Variants in TMEM132D observed in about 807,000 individuals in gnomAD.
TMEM132D encodes mature OL transmembrane protein.
TMEM132D carries 21 observed loss-of-function variants against 62.3 expected under a neutral mutation model. The observed-to-expected ratio is 0.34, with a 90% CI of 0.24 to 0.49. TMEM132D has a LOEUF of 0.49. TMEM132D is among the 20% of genes least tolerant of loss of function. The pLI is 0.99. For synonymous variants in TMEM132D, 621 were observed against 575.6 expected (o/e 1.08, Z -1.13); for missense variants, 1,346 against 1,402.8 (o/e 0.96, Z 0.65).
chr12:129,800,884 G>T (rs957780338), intron 1 of TMEM132D, among the ~76,000 whole-genome samples: 1 of 152,176 alleles, frequency 6.6e-6, no homozygotes, highest in African/African-American at 2.4e-5. Flanking sequence ...GAAGCAGGGC[G>T]AGGCATTGCC....
chr12:129,517,651 A>T (rs773582582), intron 3 of TMEM132D, among the ~76,000 whole-genome samples: 2 of 152,184 alleles, frequency 1.3e-5, no homozygotes, highest in Non-Finnish European at 2.9e-5. Context: ...TGGACAATAA[A>T]AACTACATGA....
intron 5 of TMEM132D, among the ~76,000 whole-genome samples, chr12:129,176,489 CT>C (rs1452915191): frequency 1.3e-5 from 2 of 152,240 alleles, no homozygotes; most frequent in African/African-American, 4.8e-5. Context: ...TTTCCCTCTG[CT>C]TGGCCAAGGC....
At position 129,779,373 on chromosome 12, in the gene TMEM132D, C is replaced by CCA. The variant is rs777565214; in HGVS notation, c.80-78677_80-78676dup. ...GTGTTATCTCTGCTCACTACAACCT[C>CCA]CACTTCCTGGGTTCAGGTGATCCTC... On this transcript the variant is annotated intron_variant, in intron 1 of 8. Transcript: ENST00000422113. The surrounding 1 kb of genome is among the most constrained non-coding windows in gnomAD (Gnocchi z 4.1). Among the ~76,000 whole-genome samples, 18 of 152,310 alleles carry CCA rather than the reference C, an allele frequency of 1.2e-4. 1 individual carries two copies. In the East Asian group the frequency reaches 3.5e-3, roughly 29 times the overall value.
At chr12:129,731,244 T>A (rs934590797) in intron 1 of TMEM132D, among the ~76,000 whole-genome samples, 7 of 152,098 alleles carry the variant, frequency 4.6e-5, no homozygotes, top group African/African-American at 1.7e-4. Context: ...CTGAATATCT[T>A]ATGTGCCAGA....
chr12:129,320,696 G>T (rs1593336158), intron 4 of TMEM132D, among the ~76,000 whole-genome samples: 1 of 152,278 alleles, frequency 6.6e-6, no homozygotes, highest in African/African-American at 2.4e-5. Context: ...CTACAGTATA[G>T]AAAATAGTGT....
intron 4 of TMEM132D, among the ~76,000 whole-genome samples, chr12:129,306,723 T>G (rs557414744): frequency 6.6e-6 from 1 of 152,294 alleles, no homozygotes; most frequent in Admixed American, 6.5e-5. Context: ...TGGCAGAGCA[T>G]TTTTTTAAAT....
chr12:129,538,004 C>A (rs1170456117), intron 2 of TMEM132D, among the ~76,000 whole-genome samples: 1 of 152,196 alleles, frequency 6.6e-6, no homozygotes, highest in Non-Finnish European at 1.5e-5. Flanking sequence ...AAAGACAAAT[C>A]TTGACTTTTA....
chr12:129,238,126 G>C (rs1879833902), intron 4 of TMEM132D, among the ~76,000 whole-genome samples: 1 of 152,126 alleles, frequency 6.6e-6, no homozygotes. Flanking sequence ...TGTGAAATCT[G>C]TGGGTTTTGC....
At chr12:129,213,776 C>G (rs1485164278) in intron 4 of TMEM132D, among the ~76,000 whole-genome samples, 2 of 152,170 alleles carry the variant, frequency 1.3e-5, no homozygotes, top group African/African-American at 2.4e-5. Context: ...ACTTTACCTA[C>G]TCATGAGGGA....
intron 2 of TMEM132D, among the ~76,000 whole-genome samples, chr12:129,659,271 G>A (rs560631748): frequency 6.6e-6 from 1 of 152,220 alleles, no homozygotes; most frequent in Non-Finnish European, 1.5e-5. Context: ...ATCGATGGCT[G>A]TTTTAAATCA....
Position 129,599,119 on chromosome 12 carries a change from G to C in TMEM132D, c.969-67914C>G, listed in dbSNP as rs116710034. On this transcript the variant is annotated intron_variant, in intron 2 of 8. Coordinates refer to ENST00000422113, the MANE Select transcript of TMEM132D (RefSeq NM_133448.3). Reference sequence around the variant, plus strand: ...GACCAAGCTGAGGATGCAGAGAGGAGAGCACAGCTGAGAAGTAGAAAATAA... The same window carrying C: ...GACCAAGCTGAGGATGCAGAGAGGACAGCACAGCTGAGAAGTAGAAAATAA... Among the ~76,000 whole-genome samples, 570 of 152,244 alleles carry C rather than the reference G, an allele frequency of 3.7e-3. 2 individuals carry two copies. Among genetic ancestry groups the C allele is most frequent in the African/African-American group, 0.013 (548 of 41,544 alleles).
At chr12:129,759,590 G>A (rs562325730) in intron 1 of TMEM132D, among the ~76,000 whole-genome samples, 1 of 152,318 alleles carries the variant, frequency 6.6e-6, no homozygotes, top group African/African-American at 2.4e-5. Flanking sequence ...ACATGAGAGA[G>A]TAGGTAAAAG....
chr12:129,501,864 C>G (rs1723955214), intron 3 of TMEM132D, among the ~76,000 whole-genome samples: 2 of 152,110 alleles, frequency 1.3e-5, no homozygotes, highest in Non-Finnish European at 2.9e-5. Flanking sequence ...GTCATCATCA[C>G]TATCTTGGGT....
chr12:129,283,392 A>G (rs1413501390), intron 4 of TMEM132D, among the ~76,000 whole-genome samples: 1 of 152,044 alleles, frequency 6.6e-6, no homozygotes, highest in Non-Finnish European at 1.5e-5. Flanking sequence ...GGATTTCACC[A>G]TGTTGGCGAG....
intron 1 of TMEM132D, among the ~76,000 whole-genome samples, chr12:129,843,035 CAA>C (rs1409104814): frequency 6.6e-6 from 1 of 151,938 alleles, no homozygotes; most frequent in East Asian, 1.9e-4. Context: ...CCAGATATGG[CAA>C]AAAACGTAAA....
intron 1 of TMEM132D, among the ~76,000 whole-genome samples, chr12:129,788,319 T>C (rs1006855001): frequency 2.0e-5 from 3 of 152,358 alleles, no homozygotes; most frequent in Middle Eastern, 3.4e-3. Flanking sequence ...ATTCCAAATA[T>C]CAGATTAGAA....
chr12:129,388,739 CACTA>C (rs1180372124), intron 3 of TMEM132D, among the ~76,000 whole-genome samples: 1 of 121,964 alleles, frequency 8.2e-6, no homozygotes, highest in East Asian at 2.1e-4. Context: ...CTAATATAAA[CACTA>C]ACAGCAACAC....
intron 3 of TMEM132D, among the ~76,000 whole-genome samples, chr12:129,427,967 C>T (rs976650087): frequency 1.3e-5 from 2 of 152,044 alleles, no homozygotes; most frequent in Admixed American, 6.6e-5. Flanking sequence ...AATCCTCTCT[C>T]GGATAAACAG....
chr12:129,858,855 G>T (rs540114070), intron 1 of TMEM132D, among the ~76,000 whole-genome samples: 2 of 120,776 alleles, frequency 1.7e-5, no homozygotes. Context: ...GGGTGCCCTT[G>T]TAACAGAGTC....
Sources: gnomAD v4.1 joint callset for allele counts (sites outside exome capture counted in the v4.1 genomes callset) on GRCh38, gnomAD v4.1.1 for gene constraint, Gnocchi (gnomAD v3.1) non-coding constraint, MANE v1.5 for transcripts, NCBI Gene and HGNC (gene_info 2026-07-23, HGNC 2026-07-21) for gene names.